Variants in CSMD1 observed in about 807,000 individuals in gnomAD.
The protein encoded by CSMD1 is CUB and Sushi multiple domains 1.
Under a neutral mutation model 417.5 loss-of-function variants are expected in CSMD1, and 213 were observed. The observed-to-expected ratio is 0.51, with a 90% CI of 0.46 to 0.57. CSMD1 has a LOEUF of 0.57. Among genes scored for constraint, CSMD1 ranks in the 20% least tolerant of loss-of-function variants. The pLI, the probability that CSMD1 is intolerant of heterozygous loss-of-function variation, is 0.00. For synonymous variants in CSMD1, 2,862 were observed against 1,736.8 expected, an observed-to-expected ratio of 1.65 and a Z score of -16.11; for missense variants, 6,923 against 4,529.7, an observed-to-expected ratio of 1.53 and a Z score of -15.17.
intron 1 of CSMD1, among the ~76,000 whole-genome samples, chr8:4,915,591 G>A (rs539836069): frequency 2.2e-4 from 33 of 152,308 alleles, no homozygotes; most frequent in African/African-American, 7.9e-4. Context: ...AGGGACAGCT[G>A]GGGGACTGTT....
intron 33 of CSMD1, among the ~76,000 whole-genome samples, 182 bp from the exon 34 acceptor site, chr8:3,190,297 T>C (rs62502936): frequency 6.0e-5 from 6 of 100,706 alleles, no homozygotes; most frequent in Admixed American, 1.1e-4. Context: ...CTGGTGCAGA[T>C]AGAGAAGTTA....
chr8:4,891,006 T>C (rs1804084843), intron 1 of CSMD1, among the ~76,000 whole-genome samples: 1 of 152,050 alleles, frequency 6.6e-6, no homozygotes, highest in Non-Finnish European at 1.5e-5. Context: ...AATCAAGACC[T>C]CTCCAAATAA....
chr8:4,417,158 G>T (rs775126395), intron 3 of CSMD1, among the ~76,000 whole-genome samples: 1 of 151,972 alleles, frequency 6.6e-6, no homozygotes. Flanking sequence ...TCTATATTCA[G>T]AAAGTCAAAT....
rs925339027 is a variant in CSMD1, at chr8:4,174,655, G to C, written c.416-142556C>G. On this transcript the variant is annotated intron_variant, in intron 3 of 69. Transcript: ENST00000635120. ...AAGACCTGGGAATGTAGGAATTATA[G>C]GAAACAGACCCATGCTAACATGCTC... Among the ~76,000 whole-genome samples, 11 of 140,844 alleles carry C rather than the reference G, an allele frequency of 7.8e-5. No individual in the cohort carries two copies. The Admixed American group carries it at 7.9e-4, about 10-fold the overall frequency. 92.4% of individuals were successfully genotyped at this position (140,844 alleles called of 152,430 possible).
At chr8:4,915,972 G>T (rs942226381) in intron 1 of CSMD1, among the ~76,000 whole-genome samples, 1 of 152,040 alleles carries the variant, frequency 6.6e-6, no homozygotes. Context: ...CTTCTCTTCC[G>T]CTAGTTCCCA....
chr8:3,549,354 G>C (rs557119895), intron 10 of CSMD1, among the ~76,000 whole-genome samples: 30 of 152,326 alleles, frequency 2.0e-4, no homozygotes, highest in South Asian at 1.2e-3. Context: ...TCTAGGCCAA[G>C]TGGTCTCAGA....
At chr8:3,333,763 T>C (rs995777062) in intron 23 of CSMD1, among the ~76,000 whole-genome samples, 1 of 152,226 alleles carries the variant, frequency 6.6e-6, no homozygotes, top group Admixed American at 6.5e-5. Context: ...GAAAAGATGC[T>C]TTGACTCAAT....
intron 10 of CSMD1, among the ~76,000 whole-genome samples, chr8:3,518,785 C>G (rs932621831): frequency 3.3e-5 from 5 of 152,064 alleles, no homozygotes; most frequent in Non-Finnish European, 7.4e-5. Flanking sequence ...GAATTAATTA[C>G]TAGATGGAAC....
At chr8:3,554,817 C>G (rs1013627057) in intron 10 of CSMD1, among the ~76,000 whole-genome samples, 2 of 152,098 alleles carry the variant, frequency 1.3e-5, no homozygotes, top group African/African-American at 4.8e-5. Flanking sequence ...GTCAAGTGAG[C>G]TGGGTCTGGG....
intron 2 of CSMD1, among the ~76,000 whole-genome samples, chr8:4,504,920 G>A (rs1585176494): frequency 6.6e-6 from 1 of 152,102 alleles, no homozygotes; most frequent in Admixed American, 6.6e-5. Flanking sequence ...CTTTGTTATT[G>A]TAAACAGTGC....
At chr8:3,627,264 T>C (rs1482560715) in intron 7 of CSMD1, among the ~76,000 whole-genome samples, 3 of 152,178 alleles carry the variant, frequency 2.0e-5, no homozygotes, top group South Asian at 4.1e-4. Context: ...CAGCTGTTCA[T>C]GCCCATTTTG....
chr8:3,890,008 C>G (rs1033427715), intron 5 of CSMD1, among the ~76,000 whole-genome samples: 11 of 151,986 alleles, frequency 7.2e-5, no homozygotes, highest in Non-Finnish European at 1.6e-4. Context: ...ATAGGGAGAT[C>G]CCTTCTCAAA....
chr8:3,114,231 G>C (rs918002890), intron 42 of CSMD1, among the ~76,000 whole-genome samples: 2 of 152,066 alleles, frequency 1.3e-5, no homozygotes, highest in South Asian at 4.1e-4. Context: ...GCAACAGCCT[G>C]AGACTCCATC....
chr8:4,258,617 A>C (rs1284181787), intron 3 of CSMD1, among the ~76,000 whole-genome samples: 1 of 88,042 alleles, frequency 1.1e-5, no homozygotes, highest in African/African-American at 4.1e-5. Context: ...TCATAGGGGC[A>C]CTCATTCTAA....
intron 3 of CSMD1, among the ~76,000 whole-genome samples, chr8:4,344,696 A>G (rs951537522): frequency 6.6e-6 from 1 of 152,072 alleles, no homozygotes; most frequent in Non-Finnish European, 1.5e-5. Flanking sequence ...AATGTTTCCT[A>G]AAAATAAAAA....
intron 5 of CSMD1, among the ~76,000 whole-genome samples, chr8:3,874,664 C>T (rs1387283026): frequency 2.0e-5 from 3 of 152,064 alleles, no homozygotes; most frequent in African/African-American, 7.2e-5. Flanking sequence ...CCATGTTTTT[C>T]TCTGTGGATG....
intron 26 of CSMD1, among the ~76,000 whole-genome samples, chr8:3,234,081 A>G (rs569981349): frequency 2.3e-4 from 35 of 152,270 alleles, no homozygotes; most frequent in African/African-American, 7.9e-4. Context: ...AACCTCAGAA[A>G]GACCTTAGAT....
chr8:4,126,059 C>A (rs556094811), intron 3 of CSMD1, among the ~76,000 whole-genome samples: 1 of 152,116 alleles, frequency 6.6e-6, no homozygotes, highest in South Asian at 2.1e-4. Context: ...CTGGCCCGAC[C>A]AGTTTTGCCA....
intron 18 of CSMD1, chr8:3,375,143 G>C (rs1056220740): frequency 6.6e-6 from 1 of 152,078 alleles, no homozygotes; most frequent in Admixed American, 6.6e-5. Flanking sequence ...CACTGACCTC[G>C]TTCTCCAACT....
Sources: gnomAD v4.1 joint callset for allele counts (sites outside exome capture counted in the v4.1 genomes callset) on GRCh38, gnomAD v4.1.1 for gene constraint, MANE v1.5 for transcripts, NCBI Gene and HGNC (gene_info 2026-07-23, HGNC 2026-07-21) for gene names.